The following SPIRE1 variants were observed in gnomAD, a reference collection of about 807,000 sequenced individuals.
SPIRE1 encodes protein spire homolog 1.
A neutral mutation model predicts 94.1 loss-of-function variants in SPIRE1; 40 were observed. That is an observed-to-expected ratio of 0.43 (90% CI 0.33 to 0.55). SPIRE1 has a LOEUF of 0.55. Ranked by LOEUF, SPIRE1 falls within the 20% of genes least tolerant of loss-of-function variation. SPIRE1 has a pLI of 0.06. For synonymous variants in SPIRE1, 376 were observed against 371.7 expected (o/e 1.01, Z -0.13); for missense variants, 838 against 975.2 (o/e 0.86, Z 1.87).
chr18:12,481,004 G>A (rs888477644), intron 9 of SPIRE1, among the ~76,000 whole-genome samples: 3 of 152,110 alleles, frequency 2.0e-5, no homozygotes, highest in Non-Finnish European at 4.4e-5. Flanking sequence ...CTCTTTTAGA[G>A]GGGAAAGCAC....
chr18:12,573,884 T>C (rs1598485325), intron 2 of SPIRE1, among the ~76,000 whole-genome samples: 1 of 151,944 alleles, frequency 6.6e-6, no homozygotes, highest in Non-Finnish European at 1.5e-5. Flanking sequence ...GGACTACAGG[T>C]GCCTGCCACC....
chr18:12,479,711 GC>G lies in SPIRE1; in HGVS notation c.1391del (p.Ser464ThrfsTer69). The G allele has an allele frequency of 6.2e-7, 1 of 1,612,558 alleles. No individual in the cohort carries two copies. The highest frequency in any genetic ancestry group is 8.5e-7 in the Non-Finnish European group (1 of 1,179,550). ...ACTGGGGCCTCACCTCAGACTCAGA[GC>G]TGTCCAGTTCGGCCAGAGTTGGGGC... ...LRAPTLAELD[S>X]SESEEETLHK... On this transcript the variant is annotated frameshift_variant, in exon 10 of 17. Coordinates refer to ENST00000409402, the MANE Select transcript of SPIRE1 (RefSeq NM_001128626.2). LOFTEE classifies it high-confidence loss of function.
intron 1 of SPIRE1, among the ~76,000 whole-genome samples, chr18:12,639,553 G>A (rs1310040488): frequency 6.6e-6 from 1 of 152,068 alleles, no homozygotes; most frequent in Admixed American, 6.6e-5. Context: ...CCAAGATGGT[G>A]TAACCCCATC....
At chr18:12,621,066 G>A (rs1416537720) in intron 2 of SPIRE1, among the ~76,000 whole-genome samples, 1 of 152,136 alleles carries the variant, frequency 6.6e-6, no homozygotes, top group African/African-American at 2.4e-5. Flanking sequence ...AAAAAAAGGG[G>A]GAGTGGGGGG....
rs116054172 is a variant in SPIRE1, at chr18:12,541,305, G to A, written c.603+5369C>T. Among the ~76,000 whole-genome samples, 1,362 of 152,270 alleles carry A rather than the reference G, an allele frequency of 8.9e-3. 30 individuals are homozygous for A. Among genetic ancestry groups the A allele is most frequent in the African/African-American group, 0.03 (1,256 of 41,556 alleles). ...TGTTCCATGTATACCTGAAAAGAATGTGTACTCTGCAGTGGGTGGGTGGCA... is the reference window on the plus strand; with the variant it reads ...TGTTCCATGTATACCTGAAAAGAATATGTACTCTGCAGTGGGTGGGTGGCA... On this transcript the variant is annotated intron_variant, in intron 3 of 16. Transcript: ENST00000409402.
Position 12,657,873 on chromosome 18 carries a change from G to C in SPIRE1, c.-7C>G, listed in dbSNP as rs1313709559. 1 of 1,060,500 alleles carries C rather than the reference G, an allele frequency of 9.4e-7. No homozygotes were observed. Among genetic ancestry groups the C allele is most frequent in the African/African-American group, 1.7e-5 (1 of 58,612 alleles). The allele number at this position is 1,060,500 out of a possible 1,614,324, so 65.7% of individuals were successfully genotyped here. On this transcript the variant is annotated 5_prime_UTR_variant, in exon 1 of 17. Transcript: ENST00000409402. ...GGCCAGCCGCCTGAGCCATCCCGCG[G>C]GTGGGCGCTGCGCTCGGCAGTCGCG...
intron 1 of SPIRE1, among the ~76,000 whole-genome samples, chr18:12,641,292 A>G (rs76826399): frequency 6.6e-6 from 1 of 152,088 alleles, no homozygotes; most frequent in Non-Finnish European, 1.5e-5. Flanking sequence ...AGGAAAAAAA[A>G]CCCATAGTTT....
intron 12 of SPIRE1, among the ~76,000 whole-genome samples, chr18:12,457,080 C>G (rs781288103): frequency 6.4e-4 from 97 of 152,288 alleles, no homozygotes; most frequent in Non-Finnish European, 1.1e-3. Flanking sequence ...ATCTGCCAGC[C>G]TCAGCCTCTC....
At chr18:12,513,883 C>T (rs192735896) in intron 4 of SPIRE1, among the ~76,000 whole-genome samples, 59 of 152,268 alleles carry the variant, frequency 3.9e-4, no homozygotes, top group Admixed American at 1.9e-3. Flanking sequence ...TCCTCTGTTG[C>T]TCAGGCTGGA....
At chr18:12,561,327 C>T (rs1411393928) in intron 2 of SPIRE1, among the ~76,000 whole-genome samples, 4 of 147,650 alleles carry the variant, frequency 2.7e-5, no homozygotes, top group East Asian at 2.0e-4. Context: ...TGGAGTGCAA[C>T]GGCATGATCT....
intron 1 of SPIRE1, among the ~76,000 whole-genome samples, chr18:12,639,577 C>A (rs1401158934): frequency 6.6e-6 from 1 of 151,978 alleles, no homozygotes; most frequent in Non-Finnish European, 1.5e-5. Flanking sequence ...ACTAAAAATA[C>A]AAAAATTAGC....
At chr18:12,522,582 T>C (rs1213004911) in intron 4 of SPIRE1, among the ~76,000 whole-genome samples, 2 of 152,226 alleles carry the variant, frequency 1.3e-5, no homozygotes, top group Non-Finnish European at 2.9e-5. Context: ...GAAGATACCA[T>C]CTGGGACTTT....
chr18:12,638,319 C>T (rs2037993248), intron 1 of SPIRE1, among the ~76,000 whole-genome samples: 1 of 152,146 alleles, frequency 6.6e-6, no homozygotes, highest in African/African-American at 2.4e-5. Flanking sequence ...TGGCACAAGC[C>T]TGTAGTCCCA....
chr18:12,461,539 A>G (rs1039226077), intron 12 of SPIRE1, among the ~76,000 whole-genome samples: 1 of 149,502 alleles, frequency 6.7e-6, no homozygotes, highest in Non-Finnish European at 1.5e-5. Flanking sequence ...ATGTACGTAC[A>G]TATGTATATA....
At position 12,546,804 on chromosome 18, in the gene SPIRE1, T is replaced by C; in HGVS notation, c.473A>G (p.Asp158Gly). The stretch of plus-strand genomic sequence containing the variant: ...AGCTTCCACCGTGTTGGCCATGTGA[T>C]CGATAAGCTGCTCTAGGGGAGGGCT... ...ELSPPLEQLI[D>G]HMANTVEADG... Residue 158 changes from aspartate to glycine, a missense_variant, in exon 3 of 17, where the codon GAT (aspartate) becomes GGT (glycine). By Grantham distance (94) the Asp-to-Gly change is moderately conservative. Transcript: ENST00000409402. 5 of 1,614,124 alleles carry C rather than the reference T, an allele frequency of 3.1e-6. No individual in the cohort carries two copies. Among genetic ancestry groups the C allele is most frequent in the Non-Finnish European group, 4.2e-6 (5 of 1,180,006 alleles).
At chr18:12,550,440 G>A (rs1408945305) in intron 2 of SPIRE1, among the ~76,000 whole-genome samples, 1 of 152,102 alleles carries the variant, frequency 6.6e-6, no homozygotes, top group Admixed American at 6.5e-5. Context: ...CTGTCACCCA[G>A]GCTAGAGTGC....
intron 2 of SPIRE1, among the ~76,000 whole-genome samples, chr18:12,620,135 A>G (rs2037426085): frequency 6.6e-6 from 1 of 152,060 alleles, no homozygotes; most frequent in Non-Finnish European, 1.5e-5. Flanking sequence ...CAACATAACA[A>G]ACCTGTTCTC....
intron 1 of SPIRE1, 137 bp from the exon 2 acceptor site, chr18:12,635,233 A>C (rs2037890496): frequency 2.0e-6 from 1 of 508,782 alleles, no homozygotes; most frequent in African/African-American, 1.9e-5. Context: ...TGCTAGAATG[A>C]CCAAATATCC....
At chr18:12,527,821 C>A (rs1278118513) in intron 4 of SPIRE1, among the ~76,000 whole-genome samples, 1 of 152,092 alleles carries the variant, frequency 6.6e-6, no homozygotes, top group Non-Finnish European at 1.5e-5. Context: ...AATCCCAGCA[C>A]TTTGGGAGGC....
Sources: gnomAD v4.1 joint callset for allele counts (sites outside exome capture counted in the v4.1 genomes callset) on GRCh38, gnomAD v4.1.1 for gene constraint, MANE v1.5 for transcripts, NCBI Gene and HGNC (gene_info 2026-07-23, HGNC 2026-07-21) for gene names.